Variants in SYPL2 observed in about 807,000 individuals in gnomAD.
SYPL2 encodes synaptophysin-like protein 2.
In SYPL2, 24 loss-of-function variants were observed where a neutral mutation model predicts 31.3. The ratio of observed to expected loss-of-function variants is 0.77; its 90% CI spans 0.56 to 1.08. The LOEUF (loss-of-function observed/expected upper bound fraction) is 1.08. SYPL2 is among the 50% of genes least tolerant of loss of function. SYPL2 has a pLI of 0.00. For missense variants in SYPL2, 342 were observed against 360.1 expected (o/e 0.95, Z 0.41); for synonymous variants, 144 against 143.1 (o/e 1.01, Z -0.05).
At position 109,476,974 on chromosome 1, in the gene SYPL2, G is replaced by C; in HGVS notation, c.453G>C (p.Leu151=). Residue 151 remains leucine, a synonymous_variant, in exon 4 of 6, where the codon CTG becomes CTC. Coordinates refer to ENST00000369872, the MANE Select transcript of SYPL2 (RefSeq NM_001040709.2). ...ACACAGAGAACAAACGCTTCCCGCT[G>C]GTGGTGAGTCAGCACAGGCCAGAAG... The part of the protein sequence containing the change: ...NLYTENKRFP[L]VDFCVTVSFT... The C allele has an allele frequency of 6.2e-7, 1 of 1,614,194 alleles. No individual in the cohort carries two copies. Among genetic ancestry groups the C allele is most frequent in the Non-Finnish European group, 8.5e-7 (1 of 1,180,032 alleles).
intron 2 of SYPL2, among the ~76,000 whole-genome samples, chr1:109,467,474 G>A (rs558265474): frequency 1.3e-5 from 2 of 152,186 alleles, no homozygotes; most frequent in South Asian, 4.1e-4. Context: ...TGACGGGAGG[G>A]GGGAGAAGGA....
chr1:109,474,233 G>A (rs1655923969), intron 2 of SYPL2, among the ~76,000 whole-genome samples: 1 of 151,996 alleles, frequency 6.6e-6, no homozygotes, highest in Non-Finnish European at 1.5e-5. Context: ...TCAAAGGTAA[G>A]TGCACAGGAA....
At chr1:109,473,461 A>G (rs1325622527) in intron 2 of SYPL2, among the ~76,000 whole-genome samples, 1 of 152,242 alleles carries the variant, frequency 6.6e-6, no homozygotes, top group African/African-American at 2.4e-5. Flanking sequence ...AGCCGGGGGC[A>G]GTGGCACTGG....
intron 4 of SYPL2, among the ~76,000 whole-genome samples, chr1:109,477,571 G>C (rs1265535785): frequency 6.6e-6 from 1 of 152,134 alleles, no homozygotes; most frequent in Non-Finnish European, 1.5e-5. Context: ...GCTGACCAAC[G>C]ATGCCTTGGT....
intron 5 of SYPL2, 116 bp from the exon 6 acceptor site, chr1:109,479,262 T>C: frequency 8.7e-7 from 1 of 1,149,330 alleles, no homozygotes; most frequent in South Asian, 1.4e-5. Context: ...GTCTTTCTAG[T>C]CCTCTGTGCT....
chr1:109,475,960 C>T (rs1655987566), intron 3 of SYPL2, among the ~76,000 whole-genome samples: 1 of 152,228 alleles, frequency 6.6e-6, no homozygotes, highest in Non-Finnish European at 1.5e-5. Context: ...TGGCAGGTCA[C>T]ACCAGCTCAT....
In SYPL2 at chr1:109,479,437, G is replaced by A. The variant is rs750818604; in HGVS notation, c.708G>A (p.Glu236=). ...GGAACTGTTGGTTTGTGTTCAAGGA[G>A]ACCCCGTGGCATGGACAGGGCCAGG... ...WAGNCWFVFK[E]TPWHGQGQGQ... is the part of the protein sequence containing the mutation. Residue 236 remains glutamate (E), a synonymous_variant, in exon 6 of 6, where the codon GAG becomes GAA. Coordinates refer to ENST00000369872, the MANE Select transcript of SYPL2 (RefSeq NM_001040709.2). 9 of 1,614,184 alleles carry A rather than the reference G, an allele frequency of 5.6e-6. No homozygotes were observed. In the Admixed American group the frequency reaches 1.3e-4, roughly 24 times the overall value.
rs577071741 is a variant in SYPL2 at position 109,467,028 on chromosome 1, C to T, written c.55-31C>T. ...GCGCCTTCCCAGGGTTCCCCACCGCCCTGACCCCCCGGCCGGCTGTGTCTC... is the reference window on the plus strand; with the variant it reads ...GCGCCTTCCCAGGGTTCCCCACCGCTCTGACCCCCCGGCCGGCTGTGTCTC... On this transcript the variant is annotated intron_variant, in intron 1 of 5. Coordinates refer to ENST00000369872, the MANE Select transcript of SYPL2 (RefSeq NM_001040709.2). 444 of 1,476,246 alleles carry T rather than the reference C, an allele frequency of 3.0e-4. 3 individuals are homozygous for T. In the East Asian group the frequency reaches 0.011, roughly 36 times the overall value. The allele number at this position is 1,476,246 out of a possible 1,614,324, so 91.4% of individuals were successfully genotyped here.
At chr1:109,479,242 CTCTG>C (rs904459181) in intron 5 of SYPL2, 132 bp from the exon 6 acceptor site, 12 of 960,290 alleles carry the variant, frequency 1.2e-5, no homozygotes, top group East Asian at 2.4e-5. Context: ...ATACCGAGCT[CTCTG>C]TCTTAGTCTT....
intron 4 of SYPL2, among the ~76,000 whole-genome samples, chr1:109,477,257 T>G (rs1220102104): frequency 6.6e-6 from 1 of 152,192 alleles, no homozygotes; most frequent in East Asian, 1.9e-4. Context: ...AAATCGCAGT[T>G]TCCTTAACTA....
chr1:109,477,025 G>A (rs867041451), intron 4 of SYPL2, 48 bp downstream of exon 4: 21 of 1,608,518 alleles, frequency 1.3e-5, no homozygotes, highest in Non-Finnish European at 1.7e-5. Flanking sequence ...ACAGATGTTT[G>A]TGAGGGGGTT....
rs759565466 is a variant in SYPL2, at chr1:109,479,475, A to G, written c.746A>G (p.Asp249Gly). ...WHGQGQGQDQ[D>G]QDQDQGQGPS... ...GGACAGGGCCAGGGCCAGGACCAGG[A>G]CCAGGACCAGGACCAGGGCCAGGGT... Residue 249 changes from aspartate (D) to glycine (G), a missense_variant, in exon 6 of 6, where the codon GAC becomes GGC. By Grantham distance (94) the Asp-to-Gly change is moderately conservative. Transcript: ENST00000369872. 1.2e-6 allele frequency: 2 copies of G among 1,614,016 alleles called. No individual in the cohort carries two copies. Among genetic ancestry groups the G allele is most frequent in the South Asian group, 2.2e-5 (2 of 91,074 alleles).
At chr1:109,473,174 G>A (rs1655884560) in intron 2 of SYPL2, among the ~76,000 whole-genome samples, 1 of 152,202 alleles carries the variant, frequency 6.6e-6, no homozygotes, top group Admixed American at 6.5e-5. Context: ...CTTTGAGTAA[G>A]TAAAGGGTAA....
At chr1:109,474,712 A>G (rs1490882256) in intron 2 of SYPL2, among the ~76,000 whole-genome samples, 1 of 152,158 alleles carries the variant, frequency 6.6e-6, no homozygotes, top group East Asian at 1.9e-4. Context: ...AGGAAATTTT[A>G]TTTCACTTGA....
chr1:109,474,630 C>T (rs921163092), intron 2 of SYPL2, among the ~76,000 whole-genome samples: 2 of 151,912 alleles, frequency 1.3e-5, no homozygotes, highest in African/African-American at 2.4e-5. Flanking sequence ...TGTGAGCCAC[C>T]GCACCTGGCC....
chr1:109,476,669 T>A (rs1557861065), intron 3 of SYPL2, 107 bp from the exon 4 acceptor site: 1 of 1,177,224 alleles, frequency 8.5e-7, no homozygotes, highest in East Asian at 2.6e-5. Flanking sequence ...ATGACCCCTT[T>A]CTTGGCTCTG....
intron 2 of SYPL2, among the ~76,000 whole-genome samples, chr1:109,474,073 T>C (rs1280816562): frequency 6.6e-6 from 1 of 152,192 alleles, no homozygotes; most frequent in Non-Finnish European, 1.5e-5. Flanking sequence ...ATAGCTTCTA[T>C]TCTAGACTCT....
intron 5 of SYPL2, 68 bp from the exon 6 acceptor site, chr1:109,479,310 A>G: frequency 6.4e-7 from 1 of 1,561,638 alleles, no homozygotes; most frequent in South Asian, 1.2e-5. Flanking sequence ...CTGCAATAGG[A>G]ACTCCCCCTC....
At chr1:109,471,494 T>C in intron 2 of SYPL2, among the ~76,000 whole-genome samples, 1 of 152,158 alleles carries the variant, frequency 6.6e-6, no homozygotes, top group Admixed American at 6.5e-5. Context: ...AATGGAAAAG[T>C]TTTAGAATCG....
Sources: allele counts gnomAD v4.1 joint callset (sites outside exome capture counted in the v4.1 genomes callset), GRCh38; gene constraint gnomAD v4.1.1; transcripts MANE v1.5; gene names NCBI Gene and HGNC (gene_info 2026-07-23, HGNC 2026-07-21).